The following UNC5D variants were observed in gnomAD, a reference collection of about 807,000 sequenced individuals.
UNC5D encodes the protein netrin receptor UNC5D.
A neutral mutation model predicts 105.4 loss-of-function variants in UNC5D; 39 were observed. The observed-to-expected ratio is 0.37, with a 90% CI of 0.29 to 0.48. The LOEUF (loss-of-function observed/expected upper bound fraction) is 0.48, where lower values mean the gene tolerates loss of function less well. Ranked by LOEUF, UNC5D falls within the 20% of genes least tolerant of loss-of-function variation. The pLI is 0.98. For synonymous variants in UNC5D, 452 were observed against 450.4 expected, an observed-to-expected ratio of 1.00 and a Z score of -0.04; for missense variants, 991 against 1,202.4, an observed-to-expected ratio of 0.82 and a Z score of 2.60.
intron 1 of UNC5D, among the ~76,000 whole-genome samples, chr8:35,398,456 A>G (rs553789791): frequency 6.6e-6 from 1 of 152,274 alleles, no homozygotes; most frequent in Non-Finnish European, 1.5e-5. Context: ...CCAGCACCCT[A>G]CAGAGCTAGT....
chr8:35,425,299 A>T (rs1376636119), intron 1 of UNC5D, among the ~76,000 whole-genome samples: 1 of 152,176 alleles, frequency 6.6e-6, no homozygotes, highest in Non-Finnish European at 1.5e-5. Context: ...ACTTATAAAA[A>T]CTTGGCGTAG....
intron 1 of UNC5D, among the ~76,000 whole-genome samples, chr8:35,297,644 C>T (rs1015452733): frequency 2.6e-5 from 4 of 152,096 alleles, no homozygotes; most frequent in Non-Finnish European, 5.9e-5. Context: ...GAATCCCTTC[C>T]TAACTATGTT....
At chr8:35,646,455 T>C (rs1823055178) in intron 4 of UNC5D, among the ~76,000 whole-genome samples, 1 of 152,114 alleles carries the variant, frequency 6.6e-6, no homozygotes, top group African/African-American at 2.4e-5. Flanking sequence ...ATCTTTAGTT[T>C]GGATATCATT....
chr8:35,504,108 G>C (rs1192530535), intron 1 of UNC5D, among the ~76,000 whole-genome samples: 1 of 152,164 alleles, frequency 6.6e-6, no homozygotes, highest in African/African-American at 2.4e-5. Flanking sequence ...GAAAGTATGA[G>C]GACAATGCTT....
intron 4 of UNC5D, among the ~76,000 whole-genome samples, chr8:35,601,811 C>T (rs1819905622): frequency 6.6e-6 from 1 of 152,100 alleles, no homozygotes; most frequent in African/African-American, 2.4e-5. Context: ...TGCCTGATTG[C>T]CCTGGCCAGA....
At chr8:35,688,197 T>G (rs1044691698) in intron 7 of UNC5D, among the ~76,000 whole-genome samples, 8 of 150,438 alleles carry the variant, frequency 5.3e-5, no homozygotes, top group African/African-American at 1.5e-4. Flanking sequence ...CACTTACTTC[T>G]CTAGAACTGG....
chr8:35,569,406 G>A (rs1451963477), intron 3 of UNC5D, among the ~76,000 whole-genome samples: 2 of 152,230 alleles, frequency 1.3e-5, no homozygotes, highest in Non-Finnish European at 2.9e-5. Context: ...TGCAGCAGAT[G>A]TTGATGGTTT....
At chr8:35,503,338 G>A (rs1001133134) in intron 1 of UNC5D, among the ~76,000 whole-genome samples, 2 of 152,184 alleles carry the variant, frequency 1.3e-5, no homozygotes, top group Non-Finnish European at 2.9e-5. Context: ...CACAATCATG[G>A]TGGCAGGCAA....
chr8:35,397,015 T>G (rs910869298), intron 1 of UNC5D, among the ~76,000 whole-genome samples: 2 of 152,070 alleles, frequency 1.3e-5, no homozygotes, highest in Non-Finnish European at 2.9e-5. Context: ...CAAGCAATTC[T>G]CCTGCCTTAG....
Position 35,300,446 on chromosome 8 carries a change from C to CAAAAAAAAAAAAAAAAAAAAAAAAAA in UNC5D, c.103+64582_103+64607dup, listed in dbSNP as rs752599540. On this transcript the variant is annotated intron_variant, in intron 1 of 16. Transcript: ENST00000404895. The stretch of plus-strand genomic sequence containing the variant: ...TGGGCAACAGAGAGAGACTCCCTCT[C>CAAAAAAAAAAAAAAAAAAAAAAAAAA]AAAAAAAAAAAAAAAAAAAAAAAAA... Among the ~76,000 whole-genome samples the CAAAAAAAAAAAAAAAAAAAAAAAAAA allele has an allele frequency of 3.4e-5, 2 of 58,398 alleles. 1 individual carries two copies. 38.3% of individuals were successfully genotyped at this position (58,398 alleles called of 152,430 possible).
intron 2 of UNC5D, among the ~76,000 whole-genome samples, chr8:35,551,258 G>A (rs1240909693): frequency 1.3e-5 from 2 of 152,196 alleles, no homozygotes; most frequent in Non-Finnish European, 2.9e-5. Flanking sequence ...ATAAGTAATT[G>A]CATTAACAAG....
At chr8:35,581,428 G>C (rs1818462989) in intron 3 of UNC5D, among the ~76,000 whole-genome samples, 2 of 152,110 alleles carry the variant, frequency 1.3e-5, no homozygotes. Flanking sequence ...GTCCCAAAAA[G>C]TACTTTTTTG....
intron 1 of UNC5D, among the ~76,000 whole-genome samples, chr8:35,430,725 A>G (rs953713917): frequency 1.3e-5 from 2 of 152,180 alleles, no homozygotes; most frequent in African/African-American, 4.8e-5. Flanking sequence ...ATATATGGTC[A>G]CAGAATTATT....
At chr8:35,285,602 A>T (rs1055086991) in intron 1 of UNC5D, among the ~76,000 whole-genome samples, 2 of 152,196 alleles carry the variant, frequency 1.3e-5, no homozygotes, top group Non-Finnish European at 2.9e-5. Flanking sequence ...TTATTCAGGG[A>T]TCTAGAAAAA....
chr8:35,627,189 A>G (rs942189221), intron 4 of UNC5D, among the ~76,000 whole-genome samples: 1 of 152,240 alleles, frequency 6.6e-6, no homozygotes. Context: ...GTTCCATTAC[A>G]TTAGCCTCTT....
Position 35,245,824 on chromosome 8 carries a change from A to G in UNC5D, c.103+9937A>G, listed in dbSNP as rs149150053. Among the ~76,000 whole-genome samples the G allele has an allele frequency of 3.0e-3, 463 of 152,276 alleles. 2 individuals are homozygous for G. The highest frequency in any genetic ancestry group is 0.011 in the African/African-American group (448 of 41,542). On this transcript the variant is annotated intron_variant, in intron 1 of 16. Transcript: ENST00000404895. Reference sequence around the variant, plus strand: ...ATATCTGTGTGTATTATATATTAGTAGAATGTCATATATCATCATCATAGC... The same window carrying G: ...ATATCTGTGTGTATTATATATTAGTGGAATGTCATATATCATCATCATAGC...
intron 16 of UNC5D, among the ~76,000 whole-genome samples, chr8:35,787,133 G>A (rs1802782071): frequency 6.6e-6 from 1 of 152,108 alleles, no homozygotes; most frequent in Non-Finnish European, 1.5e-5. Context: ...TTGACTATCT[G>A]GTCATTTACA....
At chr8:35,310,722 C>G (rs1000257261) in intron 1 of UNC5D, among the ~76,000 whole-genome samples, 8 of 152,006 alleles carry the variant, frequency 5.3e-5, no homozygotes, top group Admixed American at 4.6e-4. Flanking sequence ...TTTTCCTGAC[C>G]TTTCATCTGT....
At chr8:35,322,588 G>A (rs1809833055) in intron 1 of UNC5D, among the ~76,000 whole-genome samples, 1 of 152,156 alleles carries the variant, frequency 6.6e-6, no homozygotes, top group Non-Finnish European at 1.5e-5. Flanking sequence ...TTTCAGCCCT[G>A]CTCTGACCCT....
Sources: gnomAD v4.1 joint callset for allele counts (sites outside exome capture counted in the v4.1 genomes callset) on GRCh38, gnomAD v4.1.1 for gene constraint, MANE v1.5 for transcripts, NCBI Gene and HGNC (gene_info 2026-07-23, HGNC 2026-07-21) for gene names.